The following STAU2 variants were observed in gnomAD, a reference collection of about 807,000 sequenced individuals.
STAU2 encodes the protein staufen double-stranded RNA binding protein 2.
A neutral mutation model predicts 65.9 loss-of-function variants in STAU2; 20 were observed. The ratio of observed to expected loss-of-function variants is 0.30; its 90% CI spans 0.21 to 0.44. The LOEUF is 0.44. Among genes scored for constraint, STAU2 ranks in the 20% least tolerant of loss-of-function variants. The probability of loss-of-function intolerance (pLI) is 1.00; values close to 1 mark genes in which losing one functional copy is unlikely to be tolerated. For synonymous variants in STAU2, 232 were observed against 233.9 expected (o/e 0.99, Z 0.07); for missense variants, 558 against 683.9 (o/e 0.82, Z 2.05).
intron 13 of STAU2, among the ~76,000 whole-genome samples, chr8:73,512,239 C>T (rs115767432): frequency 0.02 from 3,073 of 152,190 alleles, 101 homozygotes; most frequent in African/African-American, 0.069. Flanking sequence ...GGTCTCTTTG[C>T]ATTTCCATAC....
chr8:73,600,957 G>A (rs780269890), intron 10 of STAU2, among the ~76,000 whole-genome samples: 4 of 152,096 alleles, frequency 2.6e-5, no homozygotes, highest in South Asian at 2.1e-4. Context: ...TAAACACAAT[G>A]GTCACTCAAA....
chr8:73,720,605 CG>C (rs1405889063), intron 3 of STAU2, among the ~76,000 whole-genome samples: 1 of 106,824 alleles, frequency 9.4e-6, no homozygotes, highest in Non-Finnish European at 1.8e-5. Flanking sequence ...CTCCGCTTCC[CG>C]GGTTCACGCC....
intron 4 of STAU2, among the ~76,000 whole-genome samples, chr8:73,698,413 C>G (rs1168595948): frequency 2.0e-5 from 3 of 152,026 alleles, no homozygotes; most frequent in Non-Finnish European, 4.4e-5. Context: ...ACACACCCCA[C>G]CTATGAAGAC....
At chr8:73,577,255 C>T (rs999322300) in intron 12 of STAU2, among the ~76,000 whole-genome samples, 7 of 151,816 alleles carry the variant, frequency 4.6e-5, no homozygotes, top group South Asian at 2.1e-4. Context: ...AATGAAACCC[C>T]GTCTCTACTA....
chr8:73,698,108 T>C (rs1411097022), intron 4 of STAU2, among the ~76,000 whole-genome samples: 4 of 151,756 alleles, frequency 2.6e-5, no homozygotes, highest in African/African-American at 9.7e-5. Flanking sequence ...TTAAAAAAGA[T>C]AGTATTTGCA....
At chr8:73,612,735 T>C (rs915319574) in intron 9 of STAU2, among the ~76,000 whole-genome samples, 1 of 152,222 alleles carries the variant, frequency 6.6e-6, no homozygotes, top group African/African-American at 2.4e-5. Context: ...ACCTAAATTG[T>C]GCCATTGTGC....
At chr8:73,720,502 T>A (rs866012558) in intron 3 of STAU2, among the ~76,000 whole-genome samples, 7 of 32,400 alleles carry the variant, frequency 2.2e-4, no homozygotes, top group African/African-American at 1.4e-3. Context: ...ATACTTTCTT[T>A]TTTTTTTTTT....
chr8:73,600,982 T>C (rs747069512), intron 10 of STAU2, among the ~76,000 whole-genome samples: 3 of 152,250 alleles, frequency 2.0e-5, no homozygotes, highest in Non-Finnish European at 4.4e-5. Context: ...CACTTTATTA[T>C]AAAAGTTAAG....
At chr8:73,692,347 G>A (rs982992221) in intron 4 of STAU2, among the ~76,000 whole-genome samples, 4 of 152,146 alleles carry the variant, frequency 2.6e-5, no homozygotes, top group Middle Eastern at 3.4e-3. Flanking sequence ...ACAGGCACAA[G>A]CCACCATGCC....
chr8:73,673,125 C>G lies in STAU2; in HGVS notation c.392G>C (p.Arg131Pro). The G allele has an allele frequency of 6.3e-7, 1 of 1,588,712 alleles. No homozygotes were observed. The highest frequency in any genetic ancestry group is 1.2e-5 in the South Asian group (1 of 86,268). ...FPNYRANYNF[R>P]GMYNQRYHCP... Reference sequence around the variant, plus strand: ...TACAAACCTCTGATTGTACATGCCCCGAAAGTTGTAATTAGCTCTATAATT... The same window carrying G: ...TACAAACCTCTGATTGTACATGCCCGGAAAGTTGTAATTAGCTCTATAATT... The change falls in exon 6 of 15, where the codon CGG becomes CCG. Residue 131 changes from arginine to proline, a missense_variant. Transcript: ENST00000524300.
chr8:73,597,154 A>G (rs970561321), intron 10 of STAU2, among the ~76,000 whole-genome samples: 1 of 152,150 alleles, frequency 6.6e-6, no homozygotes, highest in Admixed American at 6.6e-5. Context: ...AACAAAGTAC[A>G]ATAAAGTTAG....
intron 12 of STAU2, among the ~76,000 whole-genome samples, chr8:73,564,140 AT>A (rs1006484269): frequency 2.0e-5 from 3 of 152,184 alleles, no homozygotes; most frequent in Non-Finnish European, 4.4e-5. Flanking sequence ...TGGAATGTGC[AT>A]CCAACATTTT....
At chr8:73,546,019 T>C (rs1249581228) in intron 13 of STAU2, among the ~76,000 whole-genome samples, 1 of 148,858 alleles carries the variant, frequency 6.7e-6, no homozygotes, top group Non-Finnish European at 1.5e-5. Context: ...CTTGGCTCAC[T>C]GCACTTCCGC....
intron 3 of STAU2, among the ~76,000 whole-genome samples, chr8:73,710,454 CCTCT>C (rs1820814915): frequency 1.3e-5 from 2 of 149,450 alleles, no homozygotes; most frequent in African/African-American, 4.9e-5. Context: ...TTTAGGAAGT[CCTCT>C]CTAACTGTCA....
intron 6 of STAU2, chr8:73,653,760 C>A: frequency 8.2e-6 from 2 of 243,922 alleles, no homozygotes; most frequent in Non-Finnish European, 1.6e-5. Context: ...TGTTAGGAAC[C>A]ACTTAGGTAA....
At position 73,434,901 on chromosome 8, in the gene STAU2, G is replaced by T. The variant is rs184190137; in HGVS notation, c.1531-12199C>A. Reference sequence around the variant, plus strand: ...AAGCCATTAATAACTCCCGCCCCTAGAATCACATTCCATATCTTTGCCCCA... The same window carrying T: ...AAGCCATTAATAACTCCCGCCCCTATAATCACATTCCATATCTTTGCCCCA... On this transcript the variant is annotated intron_variant, in intron 13 of 14. Coordinates refer to ENST00000524300, the MANE Select transcript of STAU2 (RefSeq NM_001164380.2). Among the ~76,000 whole-genome samples the T allele has an allele frequency of 1.8e-3, 278 of 151,986 alleles. 1 individual carries two copies. Among genetic ancestry groups the T allele is most frequent in the Non-Finnish European group, 2.6e-3 (178 of 68,036 alleles).
chr8:73,585,831 A>G (rs1281304893), intron 11 of STAU2, among the ~76,000 whole-genome samples: 1 of 152,212 alleles, frequency 6.6e-6, no homozygotes, highest in African/African-American at 2.4e-5. Context: ...CAAGGGTGGA[A>G]CCAGGTAGAG....
chr8:73,691,725 G>A (rs946071666), intron 4 of STAU2, among the ~76,000 whole-genome samples: 1 of 151,890 alleles, frequency 6.6e-6, no homozygotes. Flanking sequence ...TTTGGTCTCC[G>A]GCCCTGGTTC....
intron 1 of STAU2, among the ~76,000 whole-genome samples, chr8:73,744,487 GAAAA>G (rs34156567): frequency 7.7e-6 from 1 of 129,820 alleles, no homozygotes; most frequent in East Asian, 2.2e-4. Flanking sequence ...AGGCACAAAG[GAAAA>G]AAAAAAAAAA....
Sources: gnomAD v4.1 joint callset for allele counts (sites outside exome capture counted in the v4.1 genomes callset) on GRCh38, gnomAD v4.1.1 for gene constraint, MANE v1.5 for transcripts, NCBI Gene and HGNC (gene_info 2026-07-23, HGNC 2026-07-21) for gene names.